Variants in CCDC170 observed in about 807,000 individuals in gnomAD.
CCDC170 encodes coiled-coil domain-containing protein 170.
CCDC170 carries 69 observed loss-of-function variants against 72.6 expected under a neutral mutation model. That is an observed-to-expected ratio of 0.95 (90% confidence interval 0.78 to 1.16). CCDC170 has a LOEUF of 1.16. CCDC170 is among the 50% of genes most tolerant of loss of function. The pLI is 0.00. For synonymous variants in CCDC170, 300 were observed against 303.9 expected (o/e 0.99, Z 0.13); for missense variants, 852 against 832.5 (o/e 1.02, Z -0.29).
intron 1 of CCDC170, among the ~76,000 whole-genome samples, chr6:151,515,415 T>A (rs1782220992): frequency 6.6e-6 from 1 of 152,200 alleles, no homozygotes; most frequent in South Asian, 2.1e-4. Flanking sequence ...CCCAAGTAAC[T>A]GGGACTACAG....
chr6:151,538,633 G>A (rs1156544712), intron 3 of CCDC170, among the ~76,000 whole-genome samples: 4 of 152,158 alleles, frequency 2.6e-5, no homozygotes, highest in Non-Finnish European at 4.4e-5. Context: ...CACAGAGGTA[G>A]GTATTTATTT....
chr6:151,508,872 G>A (rs1023673843), intron 1 of CCDC170, among the ~76,000 whole-genome samples: 4 of 151,948 alleles, frequency 2.6e-5, no homozygotes, highest in Admixed American at 1.3e-4. Flanking sequence ...AAAATTAGCC[G>A]GGCGTGGTGG....
chr6:151,510,772 G>T (rs1429167827), intron 1 of CCDC170, among the ~76,000 whole-genome samples: 2 of 150,550 alleles, frequency 1.3e-5, no homozygotes, highest in East Asian at 3.9e-4. Flanking sequence ...GTCTCGCTTT[G>T]TCACCCAGGC....
intron 5 of CCDC170, among the ~76,000 whole-genome samples, chr6:151,572,672 T>TTTTTTTTTTTTTTTTTTTTTTAA: frequency 7.2e-6 from 1 of 138,848 alleles, no homozygotes; most frequent in East Asian, 2.1e-4. Context: ...TTTTTTTTGA[T>TTTTTTTTTTTTTTTTTTTTTTAA]GGAGTCTTGT....
At chr6:151,547,145 G>T (rs567796363) in intron 4 of CCDC170, among the ~76,000 whole-genome samples, 1 of 152,110 alleles carries the variant, frequency 6.6e-6, no homozygotes, top group Non-Finnish European at 1.5e-5. Flanking sequence ...GTGTGCACAC[G>T]CATTCGCAAG....
chr6:151,592,445 C>T (rs2115113919), intron 7 of CCDC170, among the ~76,000 whole-genome samples: 1 of 152,248 alleles, frequency 6.6e-6, no homozygotes, highest in Middle Eastern at 3.4e-3. Context: ...TTAATGGACT[C>T]ACAGTTCCAC....
At chr6:151,546,942 T>C (rs1040650690) in intron 4 of CCDC170, among the ~76,000 whole-genome samples, 5 of 150,172 alleles carry the variant, frequency 3.3e-5, no homozygotes, top group African/African-American at 9.8e-5. Context: ...CGACACAGGG[T>C]AGGAATCTGG....
At chr6:151,515,821 T>G (rs1448410734) in intron 1 of CCDC170, among the ~76,000 whole-genome samples, 1 of 152,084 alleles carries the variant, frequency 6.6e-6, no homozygotes, top group Non-Finnish European at 1.5e-5. Flanking sequence ...TAATCTCAAC[T>G]CTTTGGAAGT....
At chr6:151,544,478 T>C in intron 3 of CCDC170, 94 bp from the exon 4 acceptor site, 1 of 1,196,668 alleles carries the variant, frequency 8.4e-7, no homozygotes, top group Non-Finnish European at 1.2e-6. Flanking sequence ...AAAATGACAA[T>C]TATTTCCCCC....
At chr6:151,596,275 T>A in intron 8 of CCDC170, 60 bp from the exon 9 acceptor site, 2 of 1,482,910 alleles carry the variant, frequency 1.3e-6, no homozygotes, top group South Asian at 1.4e-5. Flanking sequence ...TCTGGGTAAC[T>A]CATTTATATT....
At chr6:151,511,771 T>C (rs975932689) in intron 1 of CCDC170, among the ~76,000 whole-genome samples, 2 of 152,172 alleles carry the variant, frequency 1.3e-5, no homozygotes, top group African/African-American at 2.4e-5. Flanking sequence ...AAGATTTGAA[T>C]TTTTGTTTAT....
At chr6:151,587,063 T>C (rs940431830) in intron 7 of CCDC170, among the ~76,000 whole-genome samples, 1 of 152,020 alleles carries the variant, frequency 6.6e-6, no homozygotes, top group Non-Finnish European at 1.5e-5. Context: ...GGATTACAGG[T>C]GTGAGCCACC....
chr6:151,617,614 A>G (rs891595984), intron 10 of CCDC170, among the ~76,000 whole-genome samples: 1 of 151,996 alleles, frequency 6.6e-6, no homozygotes, highest in Non-Finnish European at 1.5e-5. Context: ...ACGTAGGTGT[A>G]TGGTTAATCC....
At chr6:151,588,124 C>T (rs554170391) in intron 7 of CCDC170, among the ~76,000 whole-genome samples, 2 of 152,072 alleles carry the variant, frequency 1.3e-5, no homozygotes, top group Non-Finnish European at 2.9e-5. Flanking sequence ...GGCTTCACTG[C>T]GTAGGTAATG....
chr6:151,573,119 G>C, intron 5 of CCDC170, 55 bp from the exon 6 acceptor site: 1 of 1,501,630 alleles, frequency 6.7e-7, no homozygotes, highest in Non-Finnish European at 9.1e-7. Context: ...AGCAAATGCA[G>C]GTGTACCCTG....
chr6:151,611,895 G>C (rs2115141772), intron 9 of CCDC170, among the ~76,000 whole-genome samples: 1 of 151,952 alleles, frequency 6.6e-6, no homozygotes, highest in East Asian at 1.9e-4. Flanking sequence ...ATTTTTAATA[G>C]AGATGGGGTT....
In CCDC170 at chr6:151,500,215, GTT is replaced by G. The variant is rs71887705; in HGVS notation, c.57+6043_57+6044del. ...TTTCCTCCCTCTTCTGGTTTGCTCT[GTT>G]TTTTTTTTTTTTGTTCTACTCCTTT... On this transcript the variant is annotated intron_variant, in intron 1 of 10. Coordinates refer to ENST00000239374, the MANE Select transcript of CCDC170 (RefSeq NM_025059.4). 4.5e-4 allele frequency among the ~76,000 whole-genome samples: 60 copies of G among 134,200 alleles called. 1 individual carries two copies. Among genetic ancestry groups the G allele is most frequent in the African/African-American group, 1.4e-3 (52 of 37,466 alleles). 88.0% of individuals were successfully genotyped at this position (134,200 alleles called of 152,430 possible). A position where few individuals can be genotyped will look rare whatever the true frequency, so the allele number is the denominator to read the frequency against.
chr6:151,514,388 GA>G (rs1782204119), intron 1 of CCDC170, among the ~76,000 whole-genome samples: 1 of 149,304 alleles, frequency 6.7e-6, no homozygotes, highest in Non-Finnish European at 1.5e-5. Context: ...AGGAAGGAAG[GA>G]AGGAAGGAAG....
intron 9 of CCDC170, among the ~76,000 whole-genome samples, chr6:151,604,949 G>A (rs920592472): frequency 2.6e-5 from 4 of 152,038 alleles, no homozygotes; most frequent in African/African-American, 9.7e-5. Flanking sequence ...ATAAATTGTT[G>A]TTAACTAGAA....
Sources: gnomAD v4.1 joint callset for allele counts (sites outside exome capture counted in the v4.1 genomes callset) on GRCh38, gnomAD v4.1.1 for gene constraint, MANE v1.5 for transcripts, NCBI Gene and HGNC (gene_info 2026-07-23, HGNC 2026-07-21) for gene names.